CAMKMT: variants seen among roughly 807,000 people sequenced by gnomAD.
CAMKMT encodes the protein CaM KMT.
CAMKMT carries 53 observed loss-of-function variants against 48.0 expected under a neutral mutation model. The observed-to-expected ratio is 1.10, with a 90% CI of 0.89 to 1.39. The LOEUF is 1.39. CAMKMT is among the 40% of genes most tolerant of loss of function. The probability of loss-of-function intolerance (pLI) is 0.00; values close to 1 mark genes in which losing one functional copy is unlikely to be tolerated. For synonymous variants in CAMKMT, 165 were observed against 152.3 expected (o/e 1.08, Z -0.61); for missense variants, 428 against 402.7 (o/e 1.06, Z -0.54).
At chr2:44,365,073 T>C (rs913935663) in intron 1 of CAMKMT, among the ~76,000 whole-genome samples, 7 of 152,224 alleles carry the variant, frequency 4.6e-5, no homozygotes, top group African/African-American at 1.2e-4. Context: ...TCTTAGTAAA[T>C]GTATTTCAAA....
chr2:44,660,144 A>G (rs1339822636), intron 3 of CAMKMT, among the ~76,000 whole-genome samples: 1 of 152,242 alleles, frequency 6.6e-6, no homozygotes, highest in Non-Finnish European at 1.5e-5. Context: ...ATAATGGGTA[A>G]AACATTCTTA....
intron 3 of CAMKMT, among the ~76,000 whole-genome samples, chr2:44,624,860 C>T (rs546726871): frequency 3.9e-5 from 6 of 152,122 alleles, no homozygotes; most frequent in Non-Finnish European, 7.3e-5. Context: ...ATGGCTGGGT[C>T]AAATAGTATT....
intron 1 of CAMKMT, among the ~76,000 whole-genome samples, chr2:44,365,561 G>C (rs921635414): frequency 6.6e-6 from 1 of 152,194 alleles, no homozygotes; most frequent in Non-Finnish European, 1.5e-5. Flanking sequence ...CATCCAGCTA[G>C]TAATCCAGAA....
At chr2:44,496,826 A>G (rs1402387897) in intron 3 of CAMKMT, among the ~76,000 whole-genome samples, 1 of 152,178 alleles carries the variant, frequency 6.6e-6, no homozygotes, top group Non-Finnish European at 1.5e-5. Context: ...TTTAAGTCTA[A>G]TATGTAGGCA....
At chr2:44,661,704 T>C (rs1265190612) in intron 3 of CAMKMT, among the ~76,000 whole-genome samples, 5 of 152,226 alleles carry the variant, frequency 3.3e-5, no homozygotes, top group Non-Finnish European at 7.3e-5. Flanking sequence ...TCTTAAACTA[T>C]CAAGCACTTC....
At chr2:44,553,552 G>A (rs1667840898) in intron 3 of CAMKMT, among the ~76,000 whole-genome samples, 1 of 152,002 alleles carries the variant, frequency 6.6e-6, no homozygotes, top group African/African-American at 2.4e-5. Context: ...ATAGAGATGG[G>A]GTTTTGCCAT....
chr2:44,755,074 T>G (rs1336147636), intron 9 of CAMKMT, among the ~76,000 whole-genome samples: 1 of 152,226 alleles, frequency 6.6e-6, no homozygotes, highest in Admixed American at 6.5e-5. Flanking sequence ...TATATCTTTT[T>G]TATAACCTTC....
intron 3 of CAMKMT, among the ~76,000 whole-genome samples, chr2:44,635,598 C>T (rs1673084534): frequency 6.6e-6 from 1 of 152,140 alleles, no homozygotes. Context: ...ATTCAAGCCT[C>T]TTTTGCAGCA....
At chr2:44,602,857 GGGTGGGGACACA>G (rs1671077518) in intron 3 of CAMKMT, among the ~76,000 whole-genome samples, 1 of 151,986 alleles carries the variant, frequency 6.6e-6, no homozygotes, top group African/African-American at 2.4e-5. Context: ...CATGAGATTT[GGGTGGGGACACA>G]GAGACAAATC....
chr2:44,662,974 T>C (rs993312138), intron 3 of CAMKMT, among the ~76,000 whole-genome samples: 3 of 152,214 alleles, frequency 2.0e-5, no homozygotes, highest in Non-Finnish European at 4.4e-5. Context: ...AAATATAGAT[T>C]AGATACACAT....
chr2:44,508,183 G>A (rs900129783), intron 3 of CAMKMT, among the ~76,000 whole-genome samples: 4 of 152,194 alleles, frequency 2.6e-5, no homozygotes, highest in African/African-American at 9.7e-5. Context: ...GAGTGAATTA[G>A]TGTATCAATT....
intron 3 of CAMKMT, among the ~76,000 whole-genome samples, chr2:44,446,643 C>A (rs890741644): frequency 6.6e-6 from 1 of 152,180 alleles, no homozygotes; most frequent in African/African-American, 2.4e-5. Flanking sequence ...CTATGCCCAG[C>A]CTTTTCCCTT....
At chr2:44,763,808 G>A (rs1157320055) in intron 9 of CAMKMT, among the ~76,000 whole-genome samples, 1 of 152,204 alleles carries the variant, frequency 6.6e-6, no homozygotes, top group African/African-American at 2.4e-5. Flanking sequence ...GAGATGCATT[G>A]CTTTGTCAAT....
rs370280573 is a variant in CAMKMT at position 44,711,894 on chromosome 2, G to C, written c.557-3393G>C. 3.4e-4 allele frequency among the ~76,000 whole-genome samples: 51 copies of C among 152,214 alleles called. 1 individual carries two copies. Among genetic ancestry groups the C allele is most frequent in the Middle Eastern group, 6.8e-3 (2 of 294 alleles). On this transcript the variant is annotated intron_variant, in intron 6 of 10. Transcript: ENST00000378494. ...ACGCAGCCCCCAAATATTAGAACCAGCACTAGAAGCCAGGTTCATTTGACT... is the reference window on the plus strand; with the variant it reads ...ACGCAGCCCCCAAATATTAGAACCACCACTAGAAGCCAGGTTCATTTGACT...
intron 3 of CAMKMT, among the ~76,000 whole-genome samples, chr2:44,599,178 T>C (rs1670839314): frequency 6.6e-6 from 1 of 152,158 alleles, no homozygotes; most frequent in Non-Finnish European, 1.5e-5. Flanking sequence ...TGCCTAGGTA[T>C]GAGAAGCCTT....
chr2:44,535,181 C>G (rs1245768318), intron 3 of CAMKMT, among the ~76,000 whole-genome samples: 1 of 151,978 alleles, frequency 6.6e-6, no homozygotes, highest in Non-Finnish European at 1.5e-5. Context: ...TACAACCTAC[C>G]AAGATTGAAT....
chr2:44,660,780 T>C (rs2104081200), intron 3 of CAMKMT, among the ~76,000 whole-genome samples: 1 of 152,172 alleles, frequency 6.6e-6, no homozygotes, highest in Non-Finnish European at 1.5e-5. Context: ...GCAAATGTTT[T>C]GTGTATTTTG....
chr2:44,654,131 A>C (rs1318936480), intron 3 of CAMKMT, among the ~76,000 whole-genome samples: 1 of 152,192 alleles, frequency 6.6e-6, no homozygotes, highest in African/African-American at 2.4e-5. Flanking sequence ...TCCATTGAAC[A>C]TTTTATGATC....
At chr2:44,601,413 G>C (rs1349640345) in intron 3 of CAMKMT, among the ~76,000 whole-genome samples, 1 of 151,930 alleles carries the variant, frequency 6.6e-6, no homozygotes, top group Non-Finnish European at 1.5e-5. Flanking sequence ...CCAAGATTGC[G>C]CCATTGCACT....
Sources: allele counts gnomAD v4.1 joint callset (sites outside exome capture counted in the v4.1 genomes callset), GRCh38; gene constraint gnomAD v4.1.1; transcripts MANE v1.5; gene names NCBI Gene and HGNC (gene_info 2026-07-23, HGNC 2026-07-21).